ZNF717: variants seen among roughly 807,000 people sequenced by gnomAD.
ZNF717 encodes krueppel-like factor X17.
Under a neutral mutation model 13.8 loss-of-function variants are expected in ZNF717, and 9 were observed. The ratio of observed to expected loss-of-function variants is 0.65; its 90% CI spans 0.39 to 1.14. The LOEUF (loss-of-function observed/expected upper bound fraction) is 1.14, where lower values mean the gene tolerates loss of function less well. Among genes scored for constraint, ZNF717 ranks in the 50% most tolerant of loss-of-function variants. The pLI, the probability that ZNF717 is intolerant of heterozygous loss-of-function variation, is 0.01. For synonymous variants in ZNF717, 327 were observed against 364.1 expected, an observed-to-expected ratio of 0.90 and a Z score of 1.16; for missense variants, 1,040 against 1,080.7, an observed-to-expected ratio of 0.96 and a Z score of 0.53.
At chr3:75,782,187 T>G (rs533755964) in intron 2 of ZNF717, among the ~76,000 whole-genome samples, 12 of 152,048 alleles carry the variant, frequency 7.9e-5, no homozygotes, top group Non-Finnish European at 1.8e-4. Context: ...ATTATTTAGG[T>G]TAATGGTGAG....
At chr3:75,733,640 G>A (rs113131219), downstream of ZNF717, among the ~76,000 whole-genome samples, 1,464 of 150,746 alleles carry the variant, frequency 9.7e-3, 27 homozygotes, top group African/African-American at 0.034. Context: ...TTAGCCAGGC[G>A]TAGGGGTGGG....
chr3:75,783,978 G>A (rs1944995300), intron 1 of ZNF717, among the ~76,000 whole-genome samples: 2 of 152,040 alleles, frequency 1.3e-5, no homozygotes. Context: ...CAATAAATTG[G>A]GCTTTTCCAT....
chr3:75,753,720 G>A (rs951129900), intron 2 of ZNF717, among the ~76,000 whole-genome samples: 1 of 97,448 alleles, frequency 1.0e-5, no homozygotes, highest in African/African-American at 3.7e-5. Flanking sequence ...CCAGAACACT[G>A]CTGTGTGATC....
chr3:75,777,259 T>C (rs867894218), intron 2 of ZNF717, among the ~76,000 whole-genome samples: 72 of 127,226 alleles, frequency 5.7e-4, no homozygotes, highest in South Asian at 1.5e-3. Flanking sequence ...GGGAGTGACG[T>C]GCTAAACCAA....
chr3:75,775,823 G>A (rs113628347), intron 2 of ZNF717, among the ~76,000 whole-genome samples: 3,349 of 65,006 alleles, frequency 0.052, no homozygotes, highest in Middle Eastern at 0.11. Context: ...CTGCACTACA[G>A]CCTAGGTAAC....
intron 2 of ZNF717, among the ~76,000 whole-genome samples, chr3:75,772,094 T>C (rs531132688): frequency 6.6e-6 from 1 of 152,352 alleles, no homozygotes; most frequent in Admixed American, 6.5e-5. Flanking sequence ...CAGGCACTCC[T>C]CAGCTCAAAC....
At chr3:75,785,039 C>G (rs1241743482) in intron 1 of ZNF717, 1 of 152,204 alleles carries the variant, frequency 6.6e-6, no homozygotes, top group Non-Finnish European at 1.5e-5. Context: ...GCAGGTCACA[C>G]AGTGAAGGAG....
rs1443199825 is a variant in ZNF717, at chr3:75,785,529, C to G, written c.-148G>C. 1 of 152,450 alleles carries G rather than the reference C, an allele frequency of 6.6e-6. No homozygotes were observed. The highest frequency in any genetic ancestry group is 1.9e-4 in the East Asian group (1 of 5,196). The allele number at this position is 152,450 out of a possible 1,614,324, so 9.4% of individuals were successfully genotyped here. A position where few individuals can be genotyped will look rare whatever the true frequency, so the allele number is the denominator to read the frequency against. ...ACCCGCAGGGACATAGAACCAAGCC[C>G]CAGGCTGGCCCAGCTACAAGACCGC... On this transcript the variant is annotated 5_prime_UTR_variant, in exon 1 of 5. Coordinates refer to ENST00000652011, the MANE Select transcript of ZNF717 (RefSeq NM_001290208.3).
At chr3:75,772,229 A>G (rs1943953563) in intron 2 of ZNF717, among the ~76,000 whole-genome samples, 1 of 152,234 alleles carries the variant, frequency 6.6e-6, no homozygotes, top group South Asian at 2.1e-4. Flanking sequence ...TCTGAGCTGT[A>G]CTGTTGCTCA....
intron 6 of ZNF717, among the ~76,000 whole-genome samples, chr3:75,694,975 G>T (rs1053984796): frequency 6.6e-6 from 1 of 152,096 alleles, no homozygotes; most frequent in African/African-American, 2.4e-5. Context: ...AATGGCAGGA[G>T]TAAGTGCTTA....
chr3:75,742,866 C>T (rs1354007381), intron 2 of ZNF717, among the ~76,000 whole-genome samples: 2 of 152,250 alleles, frequency 1.3e-5, no homozygotes. Context: ...AAACTATTCT[C>T]ATATTTGCAT....
intron 2 of ZNF717, among the ~76,000 whole-genome samples, chr3:75,765,206 G>T (rs796383312): frequency 0.12 from 7,835 of 66,636 alleles, no homozygotes; most frequent in Non-Finnish European, 0.17. Flanking sequence ...AAGTAGAATA[G>T]TACTTGCCAG....
downstream of ZNF717, among the ~76,000 whole-genome samples, chr3:75,726,749 G>C (rs75728316): frequency 6.6e-6 from 1 of 151,682 alleles, no homozygotes; most frequent in African/African-American, 2.4e-5. Flanking sequence ...CCTAATTTTA[G>C]TAACAAAAAT....
chr3:75,771,054 C>A (rs1191974069), intron 2 of ZNF717, among the ~76,000 whole-genome samples: 1 of 152,202 alleles, frequency 6.6e-6, no homozygotes, highest in African/African-American at 2.4e-5. Flanking sequence ...TGTGGACAAA[C>A]TGCAACCTAA....
intron 4 of ZNF717, among the ~76,000 whole-genome samples, chr3:75,740,356 T>C (rs1940228841): frequency 6.6e-6 from 1 of 152,176 alleles, no homozygotes; most frequent in African/African-American, 2.4e-5. Flanking sequence ...TCCTCCCAAG[T>C]CCAGCACCAC....
In ZNF717 at chr3:75,736,709, C is replaced by CT. The variant is rs1175460523; in HGVS notation, c.*168dup. 1 of 648,668 alleles carries CT rather than the reference C, an allele frequency of 1.5e-6. No individual in the cohort carries two copies. The highest frequency in any genetic ancestry group is 2.8e-5 in the East Asian group (1 of 36,158). 40.2% of individuals were successfully genotyped at this position (648,668 alleles called of 1,614,324 possible). The stretch of plus-strand genomic sequence containing the variant: ...CTGTGACATTAAAGTGCAAAGTGTG[C>CT]TGTAAAAATGGGAACAACAAAGCCT... On this transcript the variant is annotated 3_prime_UTR_variant, in exon 5 of 5. Transcript: ENST00000652011.
rs1939621908 is a variant in ZNF717 at position 75,737,839 on chromosome 3, T to A, written c.1784A>T (p.Glu595Val). The A allele has an allele frequency of 6.4e-7, 1 of 1,551,522 alleles. No homozygotes were observed. The part of the protein sequence containing the change: ...HAGKKPYECN[E>V]CEKTFINKLN... ...CTTATTGATAAAGGTTTTCTCACAT[T>A]CATTACATTCATAGGGTTTTTTGCC... The change falls in exon 5 of 5, where the codon GAA (glutamate) becomes GTA (valine). Residue 595 changes from glutamate (E) to valine (V), a missense_variant. Glu to Val is a moderately radical substitution (Grantham distance 121). Transcript: ENST00000652011.
intron 2 of ZNF717, among the ~76,000 whole-genome samples, chr3:75,779,059 G>T (rs186451032): frequency 1.4e-5 from 2 of 147,932 alleles, no homozygotes; most frequent in African/African-American, 5.0e-5. Flanking sequence ...CGCAAAAACC[G>T]GAACCCAAAA....
downstream of ZNF717, among the ~76,000 whole-genome samples, chr3:75,731,454 G>A (rs1938543986): frequency 6.6e-6 from 1 of 152,136 alleles, no homozygotes; most frequent in African/African-American, 2.4e-5. Flanking sequence ...CAGCTACTCA[G>A]GAGGTTGAGG....
Sources: gnomAD v4.1 joint callset for allele counts (sites outside exome capture counted in the v4.1 genomes callset) on GRCh38, gnomAD v4.1.1 for gene constraint, MANE v1.5 for transcripts, NCBI Gene and HGNC (gene_info 2026-07-23, HGNC 2026-07-21) for gene names.